The following CCDC187 variants were observed in gnomAD, a reference collection of about 807,000 sequenced individuals.
CCDC187 encodes coiled-coil domain-containing protein 187.
In CCDC187, 32 loss-of-function variants were observed where a neutral mutation model predicts 38.0. The observed-to-expected ratio is 0.84, with a 90% CI of 0.64 to 1.13. The LOEUF (loss-of-function observed/expected upper bound fraction) is 1.13, where lower values mean the gene tolerates loss of function less well. Among genes scored for constraint, CCDC187 ranks in the 50% most tolerant of loss-of-function variants. CCDC187 has a pLI of 0.00. For synonymous variants in CCDC187, 333 were observed against 347.9 expected (o/e 0.96, Z 0.48); for missense variants, 707 against 786.8 (o/e 0.90, Z 1.21).
intron 19 of CCDC187, among the ~76,000 whole-genome samples, chr9:136,261,158 C>T (rs1477679216): frequency 6.6e-6 from 1 of 152,144 alleles, no homozygotes; most frequent in Non-Finnish European, 1.5e-5. Flanking sequence ...TTCCTCACTC[C>T]CGTGGGAGTG....
chr9:136,269,058 G>A lies in CCDC187; in HGVS notation c.3443-933C>T, dbSNP rs116545716. 3.5e-3 allele frequency among the ~76,000 whole-genome samples: 536 copies of A among 152,334 alleles called. 4 individuals are homozygous for A. Among genetic ancestry groups the A allele is most frequent in the African/African-American group, 0.012 (518 of 41,574 alleles). On this transcript the variant is annotated intron_variant, in intron 14 of 25. Coordinates refer to ENST00000638797, the MANE Select transcript of CCDC187 (RefSeq NM_001378188.1). ...GAGATGTATCAAGTGTCCCTCTGGA[G>A]TATTCAGTAGAGAACTGATGGATGA...
At position 136,256,208 on chromosome 9, in the gene CCDC187, C is replaced by T; in HGVS notation, c.4616+3G>A. ...CCCTGCTCCAGGGAGCTCAGCCCCA[C>T]ACCTCTGCTCCCCCGATCGCCAGCT... On this transcript the variant is annotated splice_donor_region_variant and intron_variant, in intron 24 of 25. Transcript: ENST00000638797. 1.0e-6 allele frequency: 1 copy of T among 985,394 alleles called. No homozygotes were observed. The highest frequency in any genetic ancestry group is 1.2e-6 in the Non-Finnish European group (1 of 829,840). 61.0% of individuals were successfully genotyped at this position (985,394 alleles called of 1,614,324 possible). A position where few individuals can be genotyped will look rare whatever the true frequency, so the allele number is the denominator to read the frequency against.
chr9:136,281,643 G>T lies in CCDC187; in HGVS notation c.2948C>A (p.Thr983Lys). 2.5e-6 allele frequency: 1 copy of T among 398,674 alleles called. No homozygotes were observed. Among genetic ancestry groups the T allele is most frequent in the African/African-American group, 2.1e-5 (1 of 48,754 alleles). The allele number at this position is 398,674 out of a possible 1,614,324, so 24.7% of individuals were successfully genotyped here. ...SAGSSYAGPA[T>K]LHPIWGSLGL... Reference sequence around the variant, plus strand: ...CAGGGAGCCCCAGATAGGGTGCAGCGTGGCTGGGCCCGCATATGAGCTGGA... The same window carrying T: ...CAGGGAGCCCCAGATAGGGTGCAGCTTGGCTGGGCCCGCATATGAGCTGGA... The change falls in exon 10 of 26, where the codon ACG (threonine) becomes AAG (lysine). Residue 983 changes from threonine (T) to lysine (K), a missense_variant. Transcript: ENST00000638797.
chr9:136,303,625 C>T (rs918751862), intron 1 of CCDC187, 63 bp downstream of exon 1: 1 of 153,952 alleles, frequency 6.5e-6, no homozygotes, highest in Non-Finnish European at 1.4e-5. Flanking sequence ...GCCGCTGCCT[C>T]CAGCGGCAGG....
intron 4 of CCDC187, among the ~76,000 whole-genome samples, chr9:136,293,291 ACT>A (rs1253154824): frequency 2.0e-5 from 3 of 147,684 alleles, no homozygotes; most frequent in African/African-American, 5.1e-5. Context: ...ATGCTCACAC[ACT>A]CACAAACACA....
chr9:136,288,652 C>G (rs1831238709), intron 7 of CCDC187, among the ~76,000 whole-genome samples: 1 of 152,192 alleles, frequency 6.6e-6, no homozygotes, highest in African/African-American at 2.4e-5. Context: ...TGTAGTGAGA[C>G]CCAGGCGCAA....
At chr9:136,305,342 C>A (rs1340024156), upstream of CCDC187, among the ~76,000 whole-genome samples, 1 of 152,144 alleles carries the variant, frequency 6.6e-6, no homozygotes, top group East Asian at 1.9e-4. Context: ...ACCACAGGGT[C>A]CCCCCACCCT....
intron 10 of CCDC187, among the ~76,000 whole-genome samples, chr9:136,280,670 A>C (rs1160681765): frequency 6.6e-6 from 1 of 152,084 alleles, no homozygotes; most frequent in Non-Finnish European, 1.5e-5. Context: ...AGCAGACTCC[A>C]GGAGGGCTCC....
intron 7 of CCDC187, among the ~76,000 whole-genome samples, 165 bp from the exon 8 acceptor site, chr9:136,286,860 C>T (rs1392023530): frequency 1.3e-5 from 2 of 152,244 alleles, no homozygotes; most frequent in Admixed American, 1.3e-4. Context: ...ACACAACAGA[C>T]CACACAGCTG....
At position 136,281,565 on chromosome 9, in the gene CCDC187, G is replaced by A; in HGVS notation, c.3026C>T (p.Thr1009Ile). ...VGGADSVAPC[T>I]PRSCGQQEDP... The stretch of plus-strand genomic sequence containing the variant: ...GTCGCCCTTACCGCAGCTCCGGGGG[G>A]TGCAGGGCGCCACAGAATCTGCCCC... Residue 1009 changes from threonine to isoleucine, a missense_variant, in exon 10 of 26, where the codon ACC becomes ATC. Physicochemically the swap from Thr to Ile is moderately conservative, Grantham distance 89. Coordinates refer to ENST00000638797, the MANE Select transcript of CCDC187 (RefSeq NM_001378188.1). 2.5e-6 allele frequency: 1 copy of A among 398,596 alleles called. No homozygotes were observed. Among genetic ancestry groups the A allele is most frequent in the Non-Finnish European group, 4.4e-6 (1 of 226,060 alleles). 24.7% of individuals were successfully genotyped at this position (398,596 alleles called of 1,614,324 possible).
At chr9:136,292,458 C>T (rs1431816429) in intron 4 of CCDC187, among the ~76,000 whole-genome samples, 163 bp from the exon 5 acceptor site, 1 of 152,176 alleles carries the variant, frequency 6.6e-6, no homozygotes, top group Non-Finnish European at 1.5e-5. Context: ...TTGGGCAGAG[C>T]GGGACCCTCA....
intron 14 of CCDC187, among the ~76,000 whole-genome samples, chr9:136,269,215 C>T (rs1293683706): frequency 6.6e-6 from 1 of 152,190 alleles, no homozygotes; most frequent in African/African-American, 2.4e-5. Context: ...AGGCAGTGTA[C>T]ACAGAACGTT....
intron 7 of CCDC187, among the ~76,000 whole-genome samples, chr9:136,288,623 CGAGAGCCAGGCTGGAAACTGTAGT>C (rs1374655098): frequency 2.0e-5 from 3 of 152,288 alleles, no homozygotes; most frequent in South Asian, 2.1e-4. Flanking sequence ...CCTTCCTGGG[CGAGAGCCAGGCTGGAAACTGTAGT>C]GAGACCCAGG....
intron 9 of CCDC187, among the ~76,000 whole-genome samples, chr9:136,283,988 C>T (rs1339905940): frequency 6.6e-6 from 1 of 152,154 alleles, no homozygotes; most frequent in Non-Finnish European, 1.5e-5. Context: ...GGGCACAACC[C>T]AAAGGCCCTG....
intron 16 of CCDC187, chr9:136,266,583 CG>C (rs1202560682): frequency 3.9e-5 from 6 of 152,204 alleles, no homozygotes; most frequent in African/African-American, 1.2e-4. Flanking sequence ...AATGGCAAAA[CG>C]TTGGAGACAA....
intron 9 of CCDC187, among the ~76,000 whole-genome samples, 170 bp from the exon 10 acceptor site, chr9:136,281,833 T>A (rs1213283850): frequency 6.6e-6 from 1 of 151,780 alleles, no homozygotes; most frequent in Non-Finnish European, 1.5e-5. Flanking sequence ...GCCAAAAGCC[T>A]GGCGGGGGAA....
intron 9 of CCDC187, 41 bp downstream of exon 9, chr9:136,285,452 CAGGTGGGCAGGCGGGCAGGT>C (rs1831155288): frequency 5.6e-5 from 2 of 35,648 alleles, no homozygotes; most frequent in Admixed American, 5.5e-4. Context: ...GGCAGGTGGG[CAGGTGGGCAGGCGGGCAGGT>C]GGGCAGGTGG....
intron 9 of CCDC187, among the ~76,000 whole-genome samples, chr9:136,283,651 T>C (rs1018193276): frequency 0.14 from 22,025 of 152,238 alleles, 1,911 homozygotes; most frequent in Admixed American, 0.22. Flanking sequence ...TGGGTGCCAT[T>C]GCCACAGGGA....
At position 136,303,188 on chromosome 9, in the gene CCDC187, G is replaced by T. The variant is rs990944515; in HGVS notation, c.249C>A (p.Asp83Glu). ...CCCAGGGTCCTGGTTCCTTGAGGTCGTCAGACCCGACCACGTGGGGAGCTG... is the reference window on the plus strand; with the variant it reads ...CCCAGGGTCCTGGTTCCTTGAGGTCTTCAGACCCGACCACGTGGGGAGCTG... Reference protein sequence around the residue: ...PWAAPHVVGSDDLKEPGPWGK... With the variant: ...PWAAPHVVGSEDLKEPGPWGK... The change falls in exon 2 of 26, where the codon GAC (aspartate) becomes GAA (glutamate). Residue 83 changes from aspartate (D) to glutamate (E), a missense_variant. Transcript: ENST00000638797. 10 of 398,488 alleles carry T rather than the reference G, an allele frequency of 2.5e-5. No homozygotes were observed. Among genetic ancestry groups the T allele is most frequent in the Non-Finnish European group, 4.0e-5 (9 of 226,088 alleles). The allele number at this position is 398,488 out of a possible 1,614,324, so 24.7% of individuals were successfully genotyped here. A position where few individuals can be genotyped will look rare whatever the true frequency, so the allele number is the denominator to read the frequency against.
Sources: allele counts gnomAD v4.1 joint callset (sites outside exome capture counted in the v4.1 genomes callset), GRCh38; gene constraint gnomAD v4.1.1; transcripts MANE v1.5; gene names NCBI Gene and HGNC (gene_info 2026-07-23, HGNC 2026-07-21).